NUP58: variants seen among roughly 807,000 people sequenced by gnomAD.
The protein encoded by NUP58 is nucleoporin p58/p45.
Under a neutral mutation model 70.1 loss-of-function variants are expected in NUP58, and 17 were observed. The observed-to-expected ratio is 0.24, with a 90% CI of 0.17 to 0.36. The LOEUF is 0.36. Ranked by LOEUF, NUP58 falls within the 10% of genes least tolerant of loss-of-function variation. The probability of loss-of-function intolerance (pLI) is 1.00; values close to 1 mark genes in which losing one functional copy is unlikely to be tolerated. For synonymous variants in NUP58, 275 were observed against 257.6 expected, an observed-to-expected ratio of 1.07 and a Z score of -0.65; for missense variants, 644 against 701.5, an observed-to-expected ratio of 0.92 and a Z score of 0.93.
intron 1 of NUP58, among the ~76,000 whole-genome samples, chr13:25,304,992 A>G (rs193175982): frequency 6.6e-6 from 1 of 152,306 alleles, no homozygotes; most frequent in African/African-American, 2.4e-5. Context: ...GTCTGGATAT[A>G]GCCATTACAT....
intron 3 of NUP58, among the ~76,000 whole-genome samples, chr13:25,348,889 C>T (rs1341375623): frequency 6.6e-6 from 1 of 152,126 alleles, no homozygotes; most frequent in Non-Finnish European, 1.5e-5. Context: ...TCGTAACATA[C>T]AAAGCCCCTC....
At chr13:25,322,182 C>T (rs1247936149) in intron 9 of NUP58, among the ~76,000 whole-genome samples, 2 of 152,146 alleles carry the variant, frequency 1.3e-5, no homozygotes, top group South Asian at 2.1e-4. Flanking sequence ...ATGTGAGATA[C>T]GCCTTTTTGC....
chr13:25,343,247 C>G (rs959525496), downstream of NUP58, among the ~76,000 whole-genome samples: 2 of 151,742 alleles, frequency 1.3e-5, no homozygotes, highest in Admixed American at 1.3e-4. Context: ...TAGCTTAGCT[C>G]CCACTTAGAG....
In NUP58 at chr13:25,340,165, G is replaced by A. The variant is rs771514081; in HGVS notation, c.*31G>A. On this transcript the variant is annotated 3_prime_UTR_variant, in exon 16 of 16. Coordinates refer to ENST00000381736, the MANE Select transcript of NUP58 (RefSeq NM_014089.4). The stretch of plus-strand genomic sequence containing the variant: ...GGTTGATGTGTTGAGAGAATCCATA[G>A]CAGCACCGTTCATTCTATGAGTCTA... 6.4e-7 allele frequency: 1 copy of A among 1,560,336 alleles called. No homozygotes were observed. The highest frequency in any genetic ancestry group is 8.7e-7 in the Non-Finnish European group (1 of 1,154,084).
chr13:25,310,801 C>T (rs188983928), intron 3 of NUP58, among the ~76,000 whole-genome samples: 2 of 152,254 alleles, frequency 1.3e-5, no homozygotes, highest in Admixed American at 1.3e-4. Context: ...TTAAGTCATG[C>T]AGGTCATTCA....
chr13:25,328,010 C>G (rs1436342658), intron 12 of NUP58, among the ~76,000 whole-genome samples: 1 of 151,952 alleles, frequency 6.6e-6, no homozygotes, highest in Non-Finnish European at 1.5e-5. Flanking sequence ...ACCAGCCTGG[C>G]CAATATGGTG....
At chr13:25,311,738 A>C (rs1023126164) in intron 3 of NUP58, among the ~76,000 whole-genome samples, 17 of 150,130 alleles carry the variant, frequency 1.1e-4, no homozygotes, top group Admixed American at 1.1e-3. Flanking sequence ...AGGTTAGAAG[A>C]GACTGATACC....
intron 5 of NUP58, 38 bp downstream of exon 5, chr13:25,313,789 T>A: frequency 8.5e-6 from 12 of 1,419,914 alleles, no homozygotes; most frequent in South Asian, 1.5e-5. Flanking sequence ...TAGTAAATAT[T>A]TATATTTAAA....
chr13:25,312,281 G>A (rs2030706443), intron 3 of NUP58, among the ~76,000 whole-genome samples: 1 of 152,210 alleles, frequency 6.6e-6, no homozygotes, highest in Non-Finnish European at 1.5e-5. Flanking sequence ...TCTGCTGAGA[G>A]GGAAAGGAGG....
At chr13:25,318,673 A>C (rs1251777692) in intron 6 of NUP58, among the ~76,000 whole-genome samples, 3 of 152,190 alleles carry the variant, frequency 2.0e-5, no homozygotes, top group Non-Finnish European at 2.9e-5. Flanking sequence ...TCTTCACCAA[A>C]TATAAACTAA....
Position 25,335,021 on chromosome 13 carries a change from A to T in NUP58, c.1436-1915A>T, listed in dbSNP as rs112228191. The T allele has an allele frequency of 2.1e-3, 2,031 of 985,246 alleles. 36 individuals carry two copies. In the African/African-American group the frequency reaches 0.033, roughly 16 times the overall value. The allele number at this position is 985,246 out of a possible 1,614,324, so 61.0% of individuals were successfully genotyped here. On this transcript the variant is annotated intron_variant, in intron 13 of 15. Coordinates refer to ENST00000381736, the MANE Select transcript of NUP58 (RefSeq NM_014089.4). ...AGACTGCTTTCTAATAGTGAAACTA[A>T]TATATATGGTGGCCAGAGTGTAATA...
At chr13:25,327,534 A>G (rs1159658246) in intron 12 of NUP58, 22 bp downstream of exon 12, 4 of 1,504,862 alleles carry the variant, frequency 2.7e-6, no homozygotes, top group Non-Finnish European at 1.8e-6. Context: ...TTACCCATTT[A>G]TCTACCTGGA....
chr13:25,326,313 C>T (rs2031392242), intron 10 of NUP58, among the ~76,000 whole-genome samples: 1 of 151,546 alleles, frequency 6.6e-6, no homozygotes, highest in East Asian at 1.9e-4. Context: ...TCAGATTCCT[C>T]TGTATACTAT....
At chr13:25,304,521 T>TATATATATATGTGTA in intron 1 of NUP58, among the ~76,000 whole-genome samples, 1 of 53,398 alleles carries the variant, frequency 1.9e-5, no homozygotes, top group African/African-American at 6.1e-5. Flanking sequence ...TATATATGTA[T>TATATATATATGTGTA]TTTTTTTTTT....
chr13:25,344,547 A>G (rs1593206854), downstream of NUP58, among the ~76,000 whole-genome samples: 1 of 152,142 alleles, frequency 6.6e-6, no homozygotes, highest in Non-Finnish European at 1.5e-5. Flanking sequence ...TGGGGAGGCT[A>G]TTCTAGGACA....
chr13:25,318,612 T>C (rs1303613702), intron 6 of NUP58, among the ~76,000 whole-genome samples: 1 of 152,182 alleles, frequency 6.6e-6, no homozygotes, highest in Non-Finnish European at 1.5e-5. Context: ...AGTAAGCAGT[T>C]CATGAAAGAA....
intron 10 of NUP58, among the ~76,000 whole-genome samples, chr13:25,326,704 T>C (rs1221573889): frequency 6.6e-6 from 1 of 152,120 alleles, no homozygotes; most frequent in Non-Finnish European, 1.5e-5. Flanking sequence ...TTTCCACTAG[T>C]GTACTTCTGT....
At chr13:25,334,167 A>G (rs1203977435) in intron 13 of NUP58, 1 of 985,290 alleles carries the variant, frequency 1.0e-6, no homozygotes, top group Non-Finnish European at 1.2e-6. Flanking sequence ...AGCATCGATA[A>G]CGTGGATAAC....
At chr13:25,307,070 A>C (rs1266591156) in intron 1 of NUP58, among the ~76,000 whole-genome samples, 2 of 152,202 alleles carry the variant, frequency 1.3e-5, no homozygotes, top group Admixed American at 6.5e-5. Context: ...ATAATTTAAA[A>C]TAACTTTTCT....
Sources: allele counts gnomAD v4.1 joint callset (sites outside exome capture counted in the v4.1 genomes callset), GRCh38; gene constraint gnomAD v4.1.1; transcripts MANE v1.5; gene names NCBI Gene and HGNC (gene_info 2026-07-23, HGNC 2026-07-21).